Variants in DEFB123 observed in about 807,000 individuals in gnomAD.
The protein encoded by DEFB123 is defensin beta 123, also known as beta-defensin 123.
For synonymous variants in DEFB123, 22 were observed against 28.3 expected (o/e 0.78, Z 0.71); for missense variants, 71 against 75.0 (o/e 0.95, Z 0.20).
At chr20:31,447,826 G>A (rs868812388) in intron 1 of DEFB123, among the ~76,000 whole-genome samples, 33 of 122,408 alleles carry the variant, frequency 2.7e-4, no homozygotes, top group South Asian at 1.3e-3. Flanking sequence ...CCGCTCTGTC[G>A]CCCAGGCTGG....
At chr20:31,443,020 G>A (rs1354960095) in intron 1 of DEFB123, among the ~76,000 whole-genome samples, 1 of 152,202 alleles carries the variant, frequency 6.6e-6, no homozygotes, top group Non-Finnish European at 1.5e-5. Context: ...AAAACAGCAA[G>A]TGCAAGGGTC....
Position 31,440,879 on chromosome 20 carries a change from C to A in DEFB123, c.58+123C>A, listed in dbSNP as rs1024774834. ...AGCACCACGTATAGGAGGCAGGAGG[C>A]GCCTCACCAGCAGCAGGTGCCAGCT... On this transcript the variant is annotated intron_variant, in intron 1 of 1. Coordinates refer to ENST00000376309, the MANE Select transcript of DEFB123 (RefSeq NM_153324.4). 1.2e-5 allele frequency: 14 copies of A among 1,151,670 alleles called. No individual in the cohort carries two copies. The East Asian group carries it at 3.1e-4, about 25-fold the overall frequency. The allele number at this position is 1,151,670 out of a possible 1,614,324, so 71.3% of individuals were successfully genotyped here. A position where few individuals can be genotyped will look rare whatever the true frequency, so the allele number is the denominator to read the frequency against.
chr20:31,442,742 G>A (rs1979497568), intron 1 of DEFB123, among the ~76,000 whole-genome samples: 1 of 151,762 alleles, frequency 6.6e-6, no homozygotes, highest in South Asian at 2.1e-4. Flanking sequence ...CTAAGTAACT[G>A]GGATTACAGG....
At chr20:31,445,405 A>G (rs1979562158) in intron 1 of DEFB123, among the ~76,000 whole-genome samples, 1 of 152,174 alleles carries the variant, frequency 6.6e-6, no homozygotes, top group Admixed American at 6.5e-5. Flanking sequence ...GATACTCCTC[A>G]TTGTCTACTA....
rs115544532 is a variant in DEFB123 at position 31,440,913 on chromosome 20, A to T, written c.58+157A>T. Among the ~76,000 whole-genome samples, 220 of 152,274 alleles carry T rather than the reference A, an allele frequency of 1.4e-3. 1 individual carries two copies. Among genetic ancestry groups the T allele is most frequent in the African/African-American group, 5.1e-3 (214 of 41,558 alleles). Reference sequence around the variant, plus strand: ...AGCAGCAGGTGCCAGCTGATAGATGACAACTACAACATCCAGAGCTGCTCT... The same window carrying T: ...AGCAGCAGGTGCCAGCTGATAGATGTCAACTACAACATCCAGAGCTGCTCT... On this transcript the variant is annotated intron_variant, in intron 1 of 1. Coordinates refer to ENST00000376309, the MANE Select transcript of DEFB123 (RefSeq NM_153324.4).
At chr20:31,447,467 G>A (rs570596600) in intron 1 of DEFB123, among the ~76,000 whole-genome samples, 28 of 145,946 alleles carry the variant, frequency 1.9e-4, no homozygotes, top group African/African-American at 6.9e-4. Flanking sequence ...AATGTTCTCC[G>A]TTTTCAAATA....
intron 1 of DEFB123, 51 bp from the exon 2 acceptor site, chr20:31,449,978 A>G (rs769130676): frequency 1.5e-5 from 23 of 1,523,094 alleles, no homozygotes; most frequent in Non-Finnish European, 1.9e-5. Context: ...TCAAATCCGG[A>G]GCCTACTTGT....
In DEFB123 at chr20:31,440,696, G is replaced by GCCAT. The variant is rs763961860; in HGVS notation, c.-2_2dup. 1.9e-6 allele frequency: 3 copies of GCCAT among 1,613,674 alleles called. No homozygotes were observed. The East Asian group carries it at 6.7e-5, about 36-fold the overall frequency. ...TGCAGCTTCATTTTGGGCTGCCTTAGCCATGAAGCTCCTTTTGCTGACTTT... is the reference window on the plus strand; with the variant it reads ...TGCAGCTTCATTTTGGGCTGCCTTAGCCATCCATGAAGCTCCTTTTGCTGACTTT... On this transcript the variant is annotated 5_prime_UTR_variant, in exon 1 of 2. Transcript: ENST00000376309.
intron 1 of DEFB123, among the ~76,000 whole-genome samples, chr20:31,442,276 C>T (rs1468883497): frequency 2.6e-5 from 4 of 152,192 alleles, no homozygotes; most frequent in African/African-American, 9.7e-5. Context: ...CTCTTTCTTC[C>T]ATCACCCTTT....
chr20:31,441,237 A>G (rs1489216480), intron 1 of DEFB123, among the ~76,000 whole-genome samples: 1 of 152,204 alleles, frequency 6.6e-6, no homozygotes, highest in African/African-American at 2.4e-5. Context: ...AGACAGTTAA[A>G]TAGCATTTAT....
At chr20:31,441,770 G>T (rs1007833314) in intron 1 of DEFB123, among the ~76,000 whole-genome samples, 1 of 152,082 alleles carries the variant, frequency 6.6e-6, no homozygotes, top group Non-Finnish European at 1.5e-5. Flanking sequence ...TCTTCCTGAG[G>T]CCCTAAAACA....
intron 1 of DEFB123, among the ~76,000 whole-genome samples, chr20:31,447,563 C>G (rs1170055634): frequency 6.6e-6 from 1 of 151,150 alleles, no homozygotes; most frequent in Non-Finnish European, 1.5e-5. Flanking sequence ...CTTTAAAGAT[C>G]TCTCTCTACC....
At chr20:31,449,865 A>C (rs536570421) in intron 1 of DEFB123, among the ~76,000 whole-genome samples, 164 bp from the exon 2 acceptor site, 44 of 152,072 alleles carry the variant, frequency 2.9e-4, no homozygotes, top group Admixed American at 2.0e-4. Context: ...GGTGGGAAGC[A>C]AAAAAACAGA....
At chr20:31,441,090 C>G (rs77506508) in intron 1 of DEFB123, among the ~76,000 whole-genome samples, 3 of 152,102 alleles carry the variant, frequency 2.0e-5, no homozygotes, top group African/African-American at 7.2e-5. Context: ...CCAGAATGAA[C>G]GAAGCTTTGT....
At chr20:31,442,727 G>C (rs6141960) in intron 1 of DEFB123, among the ~76,000 whole-genome samples, 48 of 150,704 alleles carry the variant, frequency 3.2e-4, no homozygotes, top group Admixed American at 7.3e-4. Context: ...TCATGCCTCA[G>C]CCTCCTAAGT....
intron 1 of DEFB123, 96 bp downstream of exon 1, chr20:31,440,852 C>G: frequency 1.4e-6 from 2 of 1,478,428 alleles, no homozygotes; most frequent in Non-Finnish European, 9.3e-7. Context: ...AGGTTGTCAT[C>G]TAGCACCACG....
At chr20:31,449,922 A>G (rs1259956495) in intron 1 of DEFB123, 107 bp from the exon 2 acceptor site, 1 of 1,372,728 alleles carries the variant, frequency 7.3e-7, no homozygotes, top group Non-Finnish European at 9.7e-7. Flanking sequence ...GGCAAGGGAA[A>G]CAAGGGACCT....
intron 1 of DEFB123, among the ~76,000 whole-genome samples, chr20:31,446,091 T>TA (rs1156916028): frequency 3.3e-5 from 5 of 152,158 alleles, no homozygotes. Context: ...TCTATTAACT[T>TA]ACCACAGCAA....
intron 1 of DEFB123, among the ~76,000 whole-genome samples, chr20:31,442,465 T>C (rs946268092): frequency 2.6e-5 from 4 of 152,146 alleles, no homozygotes; most frequent in African/African-American, 4.8e-5. Context: ...CTCTTGGAGC[T>C]TACCTTCTAC....
Sources: allele counts gnomAD v4.1 joint callset (sites outside exome capture counted in the v4.1 genomes callset), GRCh38; gene constraint gnomAD v4.1.1; transcripts MANE v1.5; gene names NCBI Gene and HGNC (gene_info 2026-07-23, HGNC 2026-07-21).